SGCZ: variants seen among roughly 807,000 people sequenced by gnomAD.
The protein encoded by SGCZ is zeta-sarcoglycan.
Under a neutral mutation model 41.3 loss-of-function variants are expected in SGCZ, and 40 were observed. The ratio of observed to expected loss-of-function variants is 0.97; its 90% CI spans 0.75 to 1.26. The LOEUF (loss-of-function observed/expected upper bound fraction) is 1.26. SGCZ is among the 50% of genes most tolerant of loss of function. The pLI is 0.00. For missense variants in SGCZ, 552 were observed against 369.8 expected, an observed-to-expected ratio of 1.49 and a Z score of -4.04; for synonymous variants, 206 against 137.5, an observed-to-expected ratio of 1.50 and a Z score of -3.49.
At chr8:15,216,596 G>C (rs1476180934) in intron 1 of SGCZ, among the ~76,000 whole-genome samples, 1 of 151,972 alleles carries the variant, frequency 6.6e-6, no homozygotes, top group Non-Finnish European at 1.5e-5. Context: ...GAATTCCCAG[G>C]AAACTGTCAA....
At chr8:14,815,714 G>C (rs1308985669) in intron 1 of SGCZ, among the ~76,000 whole-genome samples, 1 of 152,110 alleles carries the variant, frequency 6.6e-6, no homozygotes, top group Non-Finnish European at 1.5e-5. Flanking sequence ...AGTCTAACCA[G>C]ACCCAGGAAA....
chr8:14,803,413 C>A (rs1192165376), intron 1 of SGCZ, among the ~76,000 whole-genome samples: 1 of 152,042 alleles, frequency 6.6e-6, no homozygotes, highest in Non-Finnish European at 1.5e-5. Flanking sequence ...TTGCCTCACT[C>A]GGGAATCGCA....
At chr8:14,167,930 T>C (rs1411592808) in intron 4 of SGCZ, among the ~76,000 whole-genome samples, 1 of 152,208 alleles carries the variant, frequency 6.6e-6, no homozygotes, top group Non-Finnish European at 1.5e-5. Context: ...ATTTTTCTTC[T>C]ATTACATAAA....
At chr8:15,076,048 A>G (rs1245258866) in intron 1 of SGCZ, among the ~76,000 whole-genome samples, 1 of 152,224 alleles carries the variant, frequency 6.6e-6, no homozygotes, top group Non-Finnish European at 1.5e-5. Flanking sequence ...ATAGCTTCTA[A>G]TAGATACTTA....
At chr8:14,297,874 A>T (rs1343896031) in intron 3 of SGCZ, among the ~76,000 whole-genome samples, 3 of 152,044 alleles carry the variant, frequency 2.0e-5, no homozygotes, top group Non-Finnish European at 4.4e-5. Flanking sequence ...AAAGGAGAAG[A>T]CTTTGCCACT....
At chr8:14,240,835 A>G (rs1798858034) in intron 3 of SGCZ, among the ~76,000 whole-genome samples, 1 of 152,212 alleles carries the variant, frequency 6.6e-6, no homozygotes, top group Non-Finnish European at 1.5e-5. Flanking sequence ...GGTTTAACAC[A>G]TGACTTTTTA....
At chr8:15,142,063 C>A (rs1354016953) in intron 1 of SGCZ, among the ~76,000 whole-genome samples, 3 of 152,064 alleles carry the variant, frequency 2.0e-5, no homozygotes, top group African/African-American at 7.2e-5. Context: ...ATAAAGGTTC[C>A]CAACAGATGG....
At chr8:14,783,564 C>T (rs1800656700) in intron 1 of SGCZ, among the ~76,000 whole-genome samples, 1 of 150,786 alleles carries the variant, frequency 6.6e-6, no homozygotes, top group Non-Finnish European at 1.5e-5. Context: ...TTTAAAATAA[C>T]TATAACATAA....
chr8:15,175,055 G>A (rs1799956069), intron 1 of SGCZ, among the ~76,000 whole-genome samples: 1 of 126,834 alleles, frequency 7.9e-6, no homozygotes, highest in Non-Finnish European at 1.9e-5. Context: ...CATACCACAT[G>A]TATACCAATG....
chr8:15,074,512 A>G lies in SGCZ; in HGVS notation c.39+163073T>C, dbSNP rs576919148. On this transcript the variant is annotated intron_variant, in intron 1 of 7. Transcript: ENST00000382080. Reference sequence around the variant, plus strand: ...TAAAAATTTTAAAAGCGCCCCATTCATAAATTTATTTCCACATTCCCGGAT... The same window carrying G: ...TAAAAATTTTAAAAGCGCCCCATTCGTAAATTTATTTCCACATTCCCGGAT... Among the ~76,000 whole-genome samples the G allele has an allele frequency of 8.3e-4, 127 of 152,210 alleles. 1 individual carries two copies. Among genetic ancestry groups the G allele is most frequent in the African/African-American group, 3.0e-3 (126 of 41,514 alleles).
intron 5 of SGCZ, among the ~76,000 whole-genome samples, chr8:14,110,385 C>T (rs952455862): frequency 6.6e-6 from 1 of 152,040 alleles, no homozygotes; most frequent in Non-Finnish European, 1.5e-5. Flanking sequence ...TACATAATGG[C>T]ATACTTACTA....
intron 1 of SGCZ, among the ~76,000 whole-genome samples, chr8:14,972,184 A>G (rs1367493670): frequency 1.3e-5 from 2 of 152,090 alleles, no homozygotes; most frequent in African/African-American, 4.8e-5. Context: ...TTTAAATTTC[A>G]TATTAGTAAT....
chr8:14,960,931 G>A (rs1403151229), intron 1 of SGCZ, among the ~76,000 whole-genome samples: 1 of 144,370 alleles, frequency 6.9e-6, no homozygotes, highest in Non-Finnish European at 1.5e-5. Context: ...CAAGGAAATG[G>A]CACACACACA....
Position 14,923,413 on chromosome 8 carries a change from T to A in SGCZ, c.39+314172A>T, listed in dbSNP as rs1362149069. On this transcript the variant is annotated intron_variant, in intron 1 of 7. Coordinates refer to ENST00000382080, the MANE Select transcript of SGCZ (RefSeq NM_139167.4). ...CCTCTCTGGAAGTAGATAACAGAAGTCGGATGTGCAGAGACAATGTAGAGA... is the reference window on the plus strand; with the variant it reads ...CCTCTCTGGAAGTAGATAACAGAAGACGGATGTGCAGAGACAATGTAGAGA... 2.6e-5 allele frequency among the ~76,000 whole-genome samples: 4 copies of A among 152,128 alleles called. No individual in the cohort carries two copies. In the East Asian group the frequency reaches 7.7e-4, roughly 29 times the overall value.
At chr8:15,221,087 A>G (rs1223378648) in intron 1 of SGCZ, among the ~76,000 whole-genome samples, 1 of 152,154 alleles carries the variant, frequency 6.6e-6, no homozygotes, top group Non-Finnish European at 1.5e-5. Context: ...GGGTTCAGCA[A>G]ACCAACATGG....
intron 1 of SGCZ, among the ~76,000 whole-genome samples, chr8:14,596,117 G>C (rs1199215191): frequency 2.0e-5 from 3 of 152,170 alleles, no homozygotes; most frequent in Non-Finnish European, 2.9e-5. Context: ...ATCTCACTTA[G>C]TATCTGTCAC....
intron 2 of SGCZ, among the ~76,000 whole-genome samples, chr8:14,439,097 G>C (rs2117361402): frequency 6.6e-6 from 1 of 151,974 alleles, no homozygotes; most frequent in East Asian, 1.9e-4. Flanking sequence ...ATAACATCAA[G>C]GAGGAAAAGA....
At chr8:14,500,441 CTT>C (rs61034936) in intron 2 of SGCZ, among the ~76,000 whole-genome samples, 130 of 147,482 alleles carry the variant, frequency 8.8e-4, no homozygotes, top group South Asian at 2.1e-4. Flanking sequence ...TTTCCAGTTA[CTT>C]TTTTTTTTTT....
chr8:14,836,507 T>A (rs1341979617), intron 1 of SGCZ, among the ~76,000 whole-genome samples: 1 of 152,102 alleles, frequency 6.6e-6, no homozygotes, highest in African/African-American at 2.4e-5. Flanking sequence ...CACAATTGTG[T>A]TTTTGTTTTG....
Sources: allele counts gnomAD v4.1 joint callset (sites outside exome capture counted in the v4.1 genomes callset), GRCh38; gene constraint gnomAD v4.1.1; transcripts MANE v1.5; gene names NCBI Gene and HGNC (gene_info 2026-07-23, HGNC 2026-07-21).